ABI3BP: variants seen among roughly 807,000 people sequenced by gnomAD.
ABI3BP encodes target of Nesh-SH3.
In ABI3BP, 216 loss-of-function variants were observed where a neutral mutation model predicts 268.6. That is an observed-to-expected ratio of 0.80 (90% confidence interval 0.72 to 0.90). The LOEUF is 0.90. Ranked by LOEUF, ABI3BP falls within the 40% of genes least tolerant of loss-of-function variation. The probability of loss-of-function intolerance (pLI) is 0.00; values close to 1 mark genes in which losing one functional copy is unlikely to be tolerated. For missense variants in ABI3BP, 2,090 were observed against 2,182.4 expected (o/e 0.96, Z 0.84); for synonymous variants, 730 against 730.0 (o/e 1.00, Z 0.00).
chr3:100,885,911 C>T (rs530557466), intron 5 of ABI3BP, among the ~76,000 whole-genome samples: 11 of 152,000 alleles, frequency 7.2e-5, no homozygotes, highest in East Asian at 3.9e-4. Flanking sequence ...CAATAGACAA[C>T]GACATCAATG....
At chr3:100,961,953 G>C (rs2079273658) in intron 1 of ABI3BP, among the ~76,000 whole-genome samples, 1 of 152,090 alleles carries the variant, frequency 6.6e-6, no homozygotes. Flanking sequence ...CATCCTTCTG[G>C]AGATATCTCA....
At chr3:100,776,942 T>G (rs2096723776) in intron 59 of ABI3BP, among the ~76,000 whole-genome samples, 1 of 152,120 alleles carries the variant, frequency 6.6e-6, no homozygotes, top group Non-Finnish European at 1.5e-5. Flanking sequence ...GCTCATCCAG[T>G]CTGATCTGCA....
rs773271513 is a variant in ABI3BP, at chr3:100,898,814, G to A, written c.409C>T (p.Leu137Phe). 5 of 1,613,540 alleles carry A rather than the reference G, an allele frequency of 3.1e-6. No homozygotes were observed. The South Asian group carries it at 4.4e-5, about 14-fold the overall frequency. Residue 137 changes from leucine (L) to phenylalanine (F), a missense_variant, in exon 4 of 68, where the codon CTC becomes TTC. Transcript: ENST00000471714. ...GTCCAGTCATGGTGTGGGTTGATGA[G>A]GAAACCCCAGGACAGGAAGACCGAG... ...PSSVFLSWGF[L>F]INPHHDWTLP...
chr3:100,950,776 G>A (rs2074612760), intron 1 of ABI3BP, among the ~76,000 whole-genome samples: 2 of 151,790 alleles, frequency 1.3e-5, no homozygotes, highest in Non-Finnish European at 2.9e-5. Context: ...TCTGAGTGGA[G>A]AGTTATTTCT....
In ABI3BP at chr3:100,823,487, G is replaced by A. The variant is rs1356599879; in HGVS notation, c.2774C>T (p.Thr925Ile). The part of the protein sequence containing the change: ...PVPATVLEPV[T>I]LRPEASTTLA... The stretch of plus-strand genomic sequence containing the variant: ...TGTTGTTGAGGCCTCAGGTCTAAGA[G>A]TGACAGGTTCTAGGACTGTAGCAGG... Residue 925 changes from threonine to isoleucine, a missense_variant, in exon 37 of 68, where the codon ACT becomes ATT. By Grantham distance (89) the Thr-to-Ile change is moderately conservative. Coordinates refer to ENST00000471714, the MANE Select transcript of ABI3BP (RefSeq NM_001375547.2). The A allele has an allele frequency of 2.0e-6, 3 of 1,534,856 alleles. No individual in the cohort carries two copies. Among genetic ancestry groups the A allele is most frequent in the Non-Finnish European group, 2.6e-6 (3 of 1,146,342 alleles).
chr3:100,840,976 G>A, intron 21 of ABI3BP, 118 bp from the exon 22 acceptor site: 1 of 786,160 alleles, frequency 1.3e-6, no homozygotes, highest in Non-Finnish European at 1.9e-6. Flanking sequence ...TATAAATGGT[G>A]AAGCTTTTAT....
chr3:100,940,035 G>C (rs1303699684), intron 1 of ABI3BP, among the ~76,000 whole-genome samples: 1 of 152,080 alleles, frequency 6.6e-6, no homozygotes. Flanking sequence ...CCGGTGGTCA[G>C]AGTTTAAGGT....
intron 2 of ABI3BP, among the ~76,000 whole-genome samples, chr3:100,903,443 C>A (rs2051499638): frequency 6.6e-6 from 1 of 151,962 alleles, no homozygotes; most frequent in African/African-American, 2.4e-5. Context: ...GTAAATAAAC[C>A]AAATATATTT....
At chr3:100,832,127 G>T (rs2098504226) in intron 31 of ABI3BP, 137 bp downstream of exon 31, 5 of 704,738 alleles carry the variant, frequency 7.1e-6, no homozygotes, top group East Asian at 2.7e-5. Context: ...AGCTATTCAT[G>T]TTCTCCTCAC....
At chr3:100,796,830 C>A in intron 51 of ABI3BP, among the ~76,000 whole-genome samples, 1 of 152,022 alleles carries the variant, frequency 6.6e-6, no homozygotes, top group East Asian at 1.9e-4. Flanking sequence ...GATATTCATG[C>A]TTAAAGTCCA....
chr3:100,840,272 G>A, intron 22 of ABI3BP, 108 bp from the exon 23 acceptor site: 1 of 848,210 alleles, frequency 1.2e-6, no homozygotes, highest in Non-Finnish European at 1.7e-6. Flanking sequence ...ATTTACTGTG[G>A]ACATGTTTCC....
At chr3:100,874,677 A>G (rs1244972691) in intron 9 of ABI3BP, among the ~76,000 whole-genome samples, 164 bp downstream of exon 9, 1 of 152,258 alleles carries the variant, frequency 6.6e-6, no homozygotes, top group East Asian at 1.9e-4. Flanking sequence ...TTCTTATAGA[A>G]TGTTATTTAT....
intron 51 of ABI3BP, among the ~76,000 whole-genome samples, chr3:100,799,672 C>T (rs1254626526): frequency 6.6e-6 from 1 of 152,116 alleles, no homozygotes; most frequent in Non-Finnish European, 1.5e-5. Context: ...CTGATTCTCT[C>T]TTATCTTTTT....
intron 1 of ABI3BP, among the ~76,000 whole-genome samples, chr3:100,962,113 T>A (rs545663191): frequency 3.9e-5 from 6 of 152,250 alleles, no homozygotes; most frequent in Admixed American, 2.6e-4. Flanking sequence ...TGCCAAATCA[T>A]TCTCATCTTC....
intron 19 of ABI3BP, 85 bp downstream of exon 19, chr3:100,847,517 T>A (rs1037722961): frequency 1.0e-5 from 12 of 1,146,980 alleles, no homozygotes; most frequent in Non-Finnish European, 1.6e-5. Context: ...TCTTAACAGG[T>A]AACAGACATT....
intron 2 of ABI3BP, among the ~76,000 whole-genome samples, chr3:100,918,215 C>T (rs1374182766): frequency 6.6e-6 from 1 of 151,946 alleles, no homozygotes; most frequent in Admixed American, 6.6e-5. Context: ...TATCTTAAAT[C>T]GTACCCACAG....
chr3:100,762,850 A>G (rs753545438), intron 63 of ABI3BP, among the ~76,000 whole-genome samples: 1 of 152,150 alleles, frequency 6.6e-6, no homozygotes, highest in Non-Finnish European at 1.5e-5. Context: ...GCACCTTTAC[A>G]TCCATATGTA....
At chr3:100,825,725 G>A in intron 35 of ABI3BP, 60 bp downstream of exon 35, 12 of 1,298,546 alleles carry the variant, frequency 9.2e-6, no homozygotes, top group Non-Finnish European at 1.1e-5. Flanking sequence ...AGACTGAATG[G>A]ACTGTACAAC....
chr3:100,944,028 A>G (rs1027739106), intron 1 of ABI3BP, among the ~76,000 whole-genome samples: 6 of 152,142 alleles, frequency 3.9e-5, no homozygotes, highest in African/African-American at 1.4e-4. Flanking sequence ...AGATAAAACC[A>G]TATAATGACT....
Sources: gnomAD v4.1 joint callset for allele counts (sites outside exome capture counted in the v4.1 genomes callset) on GRCh38, gnomAD v4.1.1 for gene constraint, MANE v1.5 for transcripts, NCBI Gene and HGNC (gene_info 2026-07-23, HGNC 2026-07-21) for gene names.